Variants in ELOVL6 observed in about 807,000 individuals in gnomAD.
ELOVL6 encodes the protein very long chain fatty acid elongase 6.
A neutral mutation model predicts 31.7 loss-of-function variants in ELOVL6; 8 were observed. The ratio of observed to expected loss-of-function variants is 0.25; its 90% CI spans 0.15 to 0.45. The LOEUF is 0.45. Among genes scored for constraint, ELOVL6 ranks in the 20% least tolerant of loss-of-function variants. ELOVL6 has a pLI of 1.00. For missense variants in ELOVL6, 126 were observed against 326.4 expected (o/e 0.39, Z 4.73); for synonymous variants, 101 against 117.7 (o/e 0.86, Z 0.92).
chr4:110,118,709 T>TG (rs1757258612), intron 1 of ELOVL6, among the ~76,000 whole-genome samples: 1 of 152,230 alleles, frequency 6.6e-6, no homozygotes, highest in South Asian at 2.1e-4. Context: ...AACATGGGGA[T>TG]ACTCCCATAT....
chr4:110,129,891 A>AT (rs371838858), intron 1 of ELOVL6, among the ~76,000 whole-genome samples: 29,090 of 91,910 alleles, frequency 0.32, 4,044 homozygotes, highest in East Asian at 0.36. Context: ...ATCCAATCCA[A>AT]TTTTTTTTTT....
Position 110,049,720 on chromosome 4 carries a change from C to A in ELOVL6, c.*1618G>T, listed in dbSNP as rs184512288. The A allele has an allele frequency of 6.7e-6, 1 of 149,172 alleles. No individual in the cohort carries two copies. Among genetic ancestry groups the A allele is most frequent in the East Asian group, 2.0e-4 (1 of 5,102 alleles). The allele number at this position is 149,172 out of a possible 1,614,324, so 9.2% of individuals were successfully genotyped here. ...GTGTAATCTATGCAGTGTGGAAGCC[C>A]CTAATCTTTTCATCTAGTTTGCCTA... On this transcript the variant is annotated 3_prime_UTR_variant, in exon 4 of 4. Coordinates refer to ENST00000302274, the MANE Select transcript of ELOVL6 (RefSeq NM_024090.3).
chr4:110,171,297 T>G (rs1185176642), intron 1 of ELOVL6, among the ~76,000 whole-genome samples: 1 of 152,024 alleles, frequency 6.6e-6, no homozygotes, highest in African/African-American at 2.4e-5. Flanking sequence ...TAGTCCCAGC[T>G]ACTTGGGAGG....
chr4:110,141,150 G>A (rs1249745273), intron 1 of ELOVL6, among the ~76,000 whole-genome samples: 2 of 152,046 alleles, frequency 1.3e-5, no homozygotes, highest in African/African-American at 2.4e-5. Flanking sequence ...CGCAACCTCT[G>A]CCTCCCGGGT....
intron 2 of ELOVL6, among the ~76,000 whole-genome samples, chr4:110,087,241 A>G (rs1187677910): frequency 6.6e-6 from 1 of 152,140 alleles, no homozygotes; most frequent in African/African-American, 2.4e-5. Context: ...AAAGTCACCA[A>G]GGGAGCCTGA....
intron 3 of ELOVL6, among the ~76,000 whole-genome samples, chr4:110,057,853 G>GA (rs755067574): frequency 0.027 from 2,430 of 90,792 alleles, 187 homozygotes; most frequent in African/African-American, 0.13. Context: ...TCTGTCTCAG[G>GA]GAAAAAAAAA....
chr4:110,176,576 T>G (rs750745789), intron 1 of ELOVL6, among the ~76,000 whole-genome samples: 6 of 152,222 alleles, frequency 3.9e-5, no homozygotes, highest in Non-Finnish European at 5.9e-5. Context: ...TATACATTTT[T>G]GTGCTAGCGT....
At chr4:110,145,543 A>T (rs1282363912) in intron 1 of ELOVL6, among the ~76,000 whole-genome samples, 1 of 152,182 alleles carries the variant, frequency 6.6e-6, no homozygotes, top group Non-Finnish European at 1.5e-5. Context: ...AAAGACAATT[A>T]CTACAGACAG....
chr4:110,165,785 G>A (rs78730360), intron 1 of ELOVL6, among the ~76,000 whole-genome samples: 11 of 152,292 alleles, frequency 7.2e-5, no homozygotes, highest in African/African-American at 2.6e-4. Context: ...GAGCTGGCCA[G>A]GTAACACCTG....
At chr4:110,139,877 G>C (rs186682387) in intron 1 of ELOVL6, among the ~76,000 whole-genome samples, 194 of 152,202 alleles carry the variant, frequency 1.3e-3, no homozygotes, top group African/African-American at 4.4e-3. Flanking sequence ...TTTAAGGTGC[G>C]CTTGTCCTAT....
chr4:110,112,441 C>T (rs1028435282), intron 1 of ELOVL6, among the ~76,000 whole-genome samples: 12 of 152,184 alleles, frequency 7.9e-5, no homozygotes, highest in Non-Finnish European at 1.6e-4. Context: ...TAAAGCGTTG[C>T]ATCTTAGAGA....
intron 2 of ELOVL6, among the ~76,000 whole-genome samples, chr4:110,104,472 T>G (rs1226367388): frequency 1.3e-5 from 2 of 152,100 alleles, no homozygotes; most frequent in African/African-American, 4.8e-5. Flanking sequence ...AAAACACAGA[T>G]CATAAGAGTT....
chr4:110,112,510 T>A (rs1219359419), intron 1 of ELOVL6, among the ~76,000 whole-genome samples: 1 of 152,134 alleles, frequency 6.6e-6, no homozygotes, highest in African/African-American at 2.4e-5. Flanking sequence ...TCAGAAAAAA[T>A]CAGTTTTGAA....
chr4:110,052,884 G>T, intron 3 of ELOVL6, among the ~76,000 whole-genome samples: 1 of 152,330 alleles, frequency 6.6e-6, no homozygotes. Flanking sequence ...CATCCTTCAT[G>T]ACCTTTGGTG....
intron 2 of ELOVL6, among the ~76,000 whole-genome samples, chr4:110,105,100 T>C (rs1188504332): frequency 2.6e-5 from 4 of 152,182 alleles, no homozygotes; most frequent in Admixed American, 2.0e-4. Context: ...TTTGATTAAG[T>C]GTTAGGAACA....
chr4:110,193,435 T>C (rs776243734), intron 1 of ELOVL6, among the ~76,000 whole-genome samples: 1 of 152,076 alleles, frequency 6.6e-6, no homozygotes, highest in Non-Finnish European at 1.5e-5. Context: ...TGAATTCCCA[T>C]CTCTACTAAA....
intron 2 of ELOVL6, among the ~76,000 whole-genome samples, chr4:110,084,553 C>CAGATATATATTTATAT (rs1560815725): frequency 1.7e-5 from 1 of 57,940 alleles, no homozygotes; most frequent in East Asian, 7.3e-4. Flanking sequence ...CACACACACA[C>CAGATATATATTTATAT]ACACACACAG....
At position 110,083,371 on chromosome 4, in the gene ELOVL6, C is replaced by A. The variant is rs79091785; in HGVS notation, c.221+22126G>T. Among the ~76,000 whole-genome samples the A allele has an allele frequency of 2.7e-3, 415 of 151,720 alleles. 16 individuals carry two copies. Among genetic ancestry groups the A allele is most frequent in the African/African-American group, 9.2e-3 (378 of 41,064 alleles). On this transcript the variant is annotated intron_variant, in intron 2 of 3. Transcript: ENST00000302274. ...GATCAATGAAAAGGGGCCAGGCTGGCCAAGACCTAGAGAAGAACATACCAG... is the reference window on the plus strand; with the variant it reads ...GATCAATGAAAAGGGGCCAGGCTGGACAAGACCTAGAGAAGAACATACCAG...
intron 2 of ELOVL6, among the ~76,000 whole-genome samples, chr4:110,073,197 C>T (rs1032301583): frequency 1.3e-5 from 2 of 152,134 alleles, no homozygotes; most frequent in Admixed American, 6.5e-5. Flanking sequence ...CATCTCCATA[C>T]CACACGTGCC....
Sources: allele counts gnomAD v4.1 joint callset (sites outside exome capture counted in the v4.1 genomes callset), GRCh38; gene constraint gnomAD v4.1.1; transcripts MANE v1.5; gene names NCBI Gene and HGNC (gene_info 2026-07-23, HGNC 2026-07-21).